Variants in RIPOR3 observed in about 807,000 individuals in gnomAD.
The protein encoded by RIPOR3 is family with sequence similarity 65 member C.
In RIPOR3, 95 loss-of-function variants were observed where a neutral mutation model predicts 114.3. That is an observed-to-expected ratio of 0.83 (90% CI 0.70 to 0.99). The LOEUF (loss-of-function observed/expected upper bound fraction) is 0.99. Ranked by LOEUF, RIPOR3 falls within the 50% of genes least tolerant of loss-of-function variation. The probability of loss-of-function intolerance (pLI) is 0.00; values close to 1 mark genes in which losing one functional copy is unlikely to be tolerated. For synonymous variants in RIPOR3, 575 were observed against 543.8 expected (o/e 1.06, Z -0.80); for missense variants, 1,252 against 1,266.9 (o/e 0.99, Z 0.18).
intron 2 of RIPOR3, among the ~76,000 whole-genome samples, chr20:50,622,959 C>T (rs1028939789): frequency 1.3e-5 from 2 of 152,104 alleles, no homozygotes; most frequent in Non-Finnish European, 1.5e-5. Flanking sequence ...CCCTGGCTCA[C>T]AGCTTAGAAA....
At chr20:50,594,008 T>G (rs937597427) in intron 17 of RIPOR3, among the ~76,000 whole-genome samples, 1 of 151,998 alleles carries the variant, frequency 6.6e-6, no homozygotes, top group African/African-American at 2.4e-5. Flanking sequence ...CAGTGGCTCA[T>G]GCCTGTAATC....
At chr20:50,609,795 C>G in intron 6 of RIPOR3, 73 bp from the exon 7 acceptor site, 1 of 1,349,842 alleles carries the variant, frequency 7.4e-7, no homozygotes. Flanking sequence ...TCGACTTCTC[C>G]TCTCTGGGAG....
chr20:50,654,200 C>T (rs1398480312), intron 1 of RIPOR3, among the ~76,000 whole-genome samples: 1 of 151,744 alleles, frequency 6.6e-6, no homozygotes, highest in Non-Finnish European at 1.5e-5. Flanking sequence ...AAATTTCTCT[C>T]TTGTCTCCCA....
At chr20:50,610,757 T>C (rs4811083) in intron 6 of RIPOR3, 96 bp downstream of exon 6, 1,198,855 of 1,551,300 alleles carry the variant, frequency 0.77, 464,961 homozygotes, top group East Asian at 0.93. Flanking sequence ...CTGATCCCTG[T>C]TTCGAGGGCA....
rs553001021 is a variant in RIPOR3 at position 50,603,841 on chromosome 20, C to T, written c.1086+804G>A. Among the ~76,000 whole-genome samples the T allele has an allele frequency of 3.9e-5, 6 of 152,338 alleles. No individual in the cohort carries two copies. In the East Asian group the frequency reaches 1.2e-3, roughly 29 times the overall value. On this transcript the variant is annotated intron_variant, in intron 12 of 21. Transcript: ENST00000327979. ...TAACTCAGTTAACTCTCACAGTAAT[C>T]CCATAAGGGCAGTGCTGTTATTCTC...
chr20:50,624,023 G>A (rs944048107), intron 2 of RIPOR3, among the ~76,000 whole-genome samples: 2 of 152,110 alleles, frequency 1.3e-5, no homozygotes, highest in South Asian at 2.1e-4. Context: ...TTTTAGTAGA[G>A]ACAGGGCTTC....
intron 1 of RIPOR3, among the ~76,000 whole-genome samples, chr20:50,638,747 A>G (rs2085086101): frequency 6.6e-6 from 1 of 152,124 alleles, no homozygotes; most frequent in South Asian, 2.1e-4. Flanking sequence ...TCCAAGAAGC[A>G]CAGGCTGACT....
rs570650152 is a variant in RIPOR3 at position 50,627,554 on chromosome 20, G to A, written c.122+3184C>T. 4.5e-4 allele frequency among the ~76,000 whole-genome samples: 61 copies of A among 134,968 alleles called. 7 individuals carry two copies. Among genetic ancestry groups the A allele is most frequent in the African/African-American group, 1.9e-3 (56 of 29,492 alleles). 88.5% of individuals were successfully genotyped at this position (134,968 alleles called of 152,430 possible). A position where few individuals can be genotyped will look rare whatever the true frequency, so the allele number is the denominator to read the frequency against. On this transcript the variant is annotated intron_variant, in intron 2 of 21. Coordinates refer to ENST00000327979, the MANE Select transcript of RIPOR3 (RefSeq NM_001290268.2). ...AAAAATTAGCCGGGCGTGGTGGCACGCTCCTGTAATCCCAGCTACTCAGGA... is the reference window on the plus strand; with the variant it reads ...AAAAATTAGCCGGGCGTGGTGGCACACTCCTGTAATCCCAGCTACTCAGGA...
At chr20:50,619,208 G>T (rs1046407533) in intron 3 of RIPOR3, among the ~76,000 whole-genome samples, 1 of 151,928 alleles carries the variant, frequency 6.6e-6, no homozygotes, top group Non-Finnish European at 1.5e-5. Flanking sequence ...GGAGGCGGAG[G>T]TTGCAGTGAG....
intron 1 of RIPOR3, among the ~76,000 whole-genome samples, chr20:50,669,543 G>A (rs2086386736): frequency 6.6e-6 from 1 of 152,184 alleles, no homozygotes; most frequent in African/African-American, 2.4e-5. Context: ...CATCAACACA[G>A]ACTTTGCTAT....
intron 19 of RIPOR3, among the ~76,000 whole-genome samples, chr20:50,592,102 A>C (rs1453317642): frequency 1.3e-5 from 2 of 152,194 alleles, no homozygotes; most frequent in African/African-American, 4.8e-5. Context: ...ACAGACAAAA[A>C]ACGCACTAAG....
intron 3 of RIPOR3, among the ~76,000 whole-genome samples, chr20:50,617,628 C>CTTTT (rs71190578): frequency 6.3e-5 from 7 of 110,452 alleles, no homozygotes; most frequent in South Asian, 3.2e-4. Context: ...GGTGGTTTCC[C>CTTTT]TTTTTTTTTT....
At chr20:50,589,649 T>TA in intron 20 of RIPOR3, 37 bp downstream of exon 20, 1 of 1,604,980 alleles carries the variant, frequency 6.2e-7, no homozygotes, top group South Asian at 1.1e-5. Context: ...CAAGCAGGCT[T>TA]TTCTATCAGC....
chr20:50,609,384 G>A (rs1345805333), intron 7 of RIPOR3, 28 bp from the exon 8 acceptor site: 1 of 1,608,678 alleles, frequency 6.2e-7, no homozygotes, highest in East Asian at 2.2e-5. Context: ...TGGCTCAGCT[G>A]GCTGCCTGGG....
chr20:50,597,677 C>T lies in RIPOR3; in HGVS notation c.1693G>A (p.Glu565Lys), dbSNP rs150234701. ...TCCAGGATGCACTCCATCAGGCTCTCGGCCGAGGTGTGCTCCTGCCGTGCT... is the reference window on the plus strand; with the variant it reads ...TCCAGGATGCACTCCATCAGGCTCTTGGCCGAGGTGTGCTCCTGCCGTGCT... ...CRARQEHTSA[E>K]SLMECILESF... The change falls in exon 14 of 22, where the codon GAG (glutamate) becomes AAG (lysine). Residue 565 changes from glutamate (E) to lysine (K), a missense_variant. Glu to Lys is a moderately conservative substitution (Grantham distance 56). Coordinates refer to ENST00000327979, the MANE Select transcript of RIPOR3 (RefSeq NM_001290268.2). 3,070 of 1,611,902 alleles carry T rather than the reference C, an allele frequency of 1.9e-3. 10 individuals are homozygous for T. Among genetic ancestry groups the T allele is most frequent in the Non-Finnish European group, 2.4e-3 (2,836 of 1,179,148 alleles).
Position 50,608,407 on chromosome 20 carries a change from T to C in RIPOR3, c.938A>G (p.Gln313Arg), listed in dbSNP as rs375211525. 3 of 1,613,870 alleles carry C rather than the reference T, an allele frequency of 1.9e-6. No homozygotes were observed. Among genetic ancestry groups the C allele is most frequent in the African/African-American group, 2.7e-5 (2 of 74,894 alleles). ...GACTCACTTCCACTGCACCTCCAGCTGCAGCTTGATGGTACCCAACTCCGT... is the reference window on the plus strand; with the variant it reads ...GACTCACTTCCACTGCACCTCCAGCCGCAGCTTGATGGTACCCAACTCCGT... ...DITELGTIKLQLEVQWNPFDT... is the reference protein window; with the variant it reads ...DITELGTIKLRLEVQWNPFDT... The change falls in exon 11 of 22, where the codon CAG (glutamine) becomes CGG (arginine). Residue 313 changes from glutamine (Q) to arginine (R), a missense_variant. Transcript: ENST00000327979.
intron 1 of RIPOR3, among the ~76,000 whole-genome samples, chr20:50,682,612 A>G (rs866897136): frequency 6.8e-5 from 10 of 146,902 alleles, no homozygotes; most frequent in African/African-American, 9.9e-5. Flanking sequence ...GTCTCAAAAT[A>G]TGTGTGTGTG....
intron 11 of RIPOR3, among the ~76,000 whole-genome samples, chr20:50,605,586 T>C (rs1364260898): frequency 1.3e-5 from 2 of 151,936 alleles, no homozygotes; most frequent in African/African-American, 4.8e-5. Flanking sequence ...CTCCATAACC[T>C]GGCAAAACCC....
chr20:50,668,284 C>A (rs1441897349), intron 1 of RIPOR3, among the ~76,000 whole-genome samples: 2 of 152,122 alleles, frequency 1.3e-5, no homozygotes, highest in Non-Finnish European at 1.5e-5. Context: ...AGCTCTGAGA[C>A]CAGCAGGAAA....
Sources: allele counts gnomAD v4.1 joint callset (sites outside exome capture counted in the v4.1 genomes callset), GRCh38; gene constraint gnomAD v4.1.1; transcripts MANE v1.5; gene names NCBI Gene and HGNC (gene_info 2026-07-23, HGNC 2026-07-21).